Variants in DENND3 observed in about 807,000 individuals in gnomAD.
The protein encoded by DENND3 is DENN domain containing 3.
In DENND3, 88 loss-of-function variants were observed where a neutral mutation model predicts 135.1. The ratio of observed to expected loss-of-function variants is 0.65; its 90% CI spans 0.55 to 0.78. The LOEUF (loss-of-function observed/expected upper bound fraction) is 0.78. Among genes scored for constraint, DENND3 ranks in the 30% least tolerant of loss-of-function variants. DENND3 has a pLI of 0.00. For synonymous variants in DENND3, 693 were observed against 712.3 expected, an observed-to-expected ratio of 0.97 and a Z score of 0.43; for missense variants, 1,392 against 1,688.4, an observed-to-expected ratio of 0.82 and a Z score of 3.08.
At chr8:141,184,949 C>A in intron 17 of DENND3, 190 bp from the exon 18 acceptor site, 1 of 616,480 alleles carries the variant, frequency 1.6e-6, no homozygotes, top group Non-Finnish European at 2.7e-6. Context: ...CACCAGCCAG[C>A]TGCCCCCCTT....
At chr8:141,142,111 CT>C (rs1455737631) in intron 4 of DENND3, 2 of 307,580 alleles carry the variant, frequency 6.5e-6, no homozygotes, top group Non-Finnish European at 1.3e-5. Flanking sequence ...ACGTAAAGAA[CT>C]TTTGAAAAAT....
In DENND3 at chr8:141,175,120, C is replaced by T; in HGVS notation, c.2276-80C>T. 6.6e-7 allele frequency: 1 copy of T among 1,505,894 alleles called. No individual in the cohort carries two copies. Among genetic ancestry groups the T allele is most frequent in the South Asian group, 1.3e-5 (1 of 75,120 alleles). 93.3% of individuals were successfully genotyped at this position (1,505,894 alleles called of 1,614,324 possible). A position where few individuals can be genotyped will look rare whatever the true frequency, so the allele number is the denominator to read the frequency against. ...GCCGGGTTCCGGTAGTGTGCGGTTT[C>T]TTCAGGTCATGGAGAAGCCCTTGGG... is the stretch of plus-strand genomic sequence containing the variant. On this transcript the variant is annotated intron_variant, in intron 13 of 22. Transcript: ENST00000519811. The surrounding 1 kb of genome is among the most constrained non-coding windows in gnomAD (Gnocchi z 5.4).
Position 141,166,643 on chromosome 8 carries a change from A to T in DENND3, c.1753+254A>T, listed in dbSNP as rs1569556106. 6.6e-6 allele frequency among the ~76,000 whole-genome samples: 1 copy of T among 152,314 alleles called. No individual in the cohort carries two copies. Among genetic ancestry groups the T allele is most frequent in the Middle Eastern group, 3.4e-3 (1 of 294 alleles). ...CTCGGCATGGTTCGGCATCCTTCAC[A>T]GGTGTAGGCTGTGCCTGTCTCTGTA... On this transcript the variant is annotated intron_variant, in intron 12 of 22. Coordinates refer to ENST00000519811, the MANE Select transcript of DENND3 (RefSeq NM_001352890.3). This position sits in a 1 kb window ranked among gnomAD's most constrained non-coding sequence, Gnocchi z 4.3.
At chr8:141,157,063 TGAACCACTGTGCCCG>T (rs1369693479) in intron 8 of DENND3, among the ~76,000 whole-genome samples, 1 of 152,182 alleles carries the variant, frequency 6.6e-6, no homozygotes, top group Non-Finnish European at 1.5e-5. Context: ...ATTACAGGCA[TGAACCACTGTGCCCG>T]GCCTGGCACT....
chr8:141,149,849 C>T (rs1818576551), intron 5 of DENND3, among the ~76,000 whole-genome samples: 1 of 152,182 alleles, frequency 6.6e-6, no homozygotes, highest in African/African-American at 2.4e-5. Flanking sequence ...ACGCTGGTGT[C>T]CCCACCACCA....
chr8:141,157,245 G>T, intron 8 of DENND3: 1 of 952,804 alleles, frequency 1.0e-6, no homozygotes, highest in Non-Finnish European at 1.2e-6. Context: ...GCAAAGGCTT[G>T]GCAGGGACTT....
chr8:141,135,741 TG>T (rs1416795920), intron 1 of DENND3, among the ~76,000 whole-genome samples: 1 of 152,226 alleles, frequency 6.6e-6, no homozygotes, highest in African/African-American at 2.4e-5. Flanking sequence ...CCATGTGCTT[TG>T]TATTATTTTA....
intron 17 of DENND3, among the ~76,000 whole-genome samples, chr8:141,183,543 C>G (rs1823459523): frequency 6.6e-6 from 1 of 151,578 alleles, no homozygotes; most frequent in South Asian, 2.1e-4. Flanking sequence ...GCGTGAGCCA[C>G]CACAACTGGC....
chr8:141,168,427 A>G lies in DENND3; in HGVS notation c.2177A>G (p.Lys726Arg). 6.2e-7 allele frequency: 1 copy of G among 1,613,886 alleles called. No homozygotes were observed. Among genetic ancestry groups the G allele is most frequent in the Non-Finnish European group, 8.5e-7 (1 of 1,180,032 alleles). ...GTGAAGAAGTTCAAGCTGCCCAAGAAGCACATGCAGCTGGGCGACTTCATG... is the reference window on the plus strand; with the variant it reads ...GTGAAGAAGTTCAAGCTGCCCAAGAGGCACATGCAGCTGGGCGACTTCATG... ...DHVKKFKLPK[K>R]HMQLGDFMKR... Residue 726 changes from lysine to arginine, a missense_variant, in exon 13 of 23, where the codon AAG (lysine) becomes AGG (arginine). Lys to Arg is a conservative substitution (Grantham distance 26, BLOSUM62 2). Transcript: ENST00000519811. The surrounding 1 kb of genome is among the most constrained non-coding windows in gnomAD (Gnocchi z 6.2).
In DENND3 at chr8:141,141,349, G is replaced by A; in HGVS notation, c.623+25G>A. ...GGTGAGCTGGGGCACCGGGGGCCAG[G>A]GGTGGTAGGGGGCAGCTCTTTGTGC... is the stretch of plus-strand genomic sequence containing the variant. On this transcript the variant is annotated intron_variant, in intron 4 of 22. Transcript: ENST00000519811. The surrounding 1 kb of genome is among the most constrained non-coding windows in gnomAD (Gnocchi z 5.3). The A allele has an allele frequency of 6.2e-7, 1 of 1,611,676 alleles. No individual in the cohort carries two copies. Among genetic ancestry groups the A allele is most frequent in the Non-Finnish European group, 8.5e-7 (1 of 1,179,712 alleles).
In DENND3 at chr8:141,194,578, C is replaced by T. The variant is rs61750466; in HGVS notation, c.*345C>T. On this transcript the variant is annotated 3_prime_UTR_variant, in exon 23 of 23. Coordinates refer to ENST00000519811, the MANE Select transcript of DENND3 (RefSeq NM_001352890.3). ...CTGGCACTGGAGCCAGCAGCTTGGC[C>T]GAGTCACAGGTGACCCGTGGCCCTC... The T allele has an allele frequency of 0.021, 6,523 of 309,796 alleles. 422 individuals carry two copies. Among genetic ancestry groups the T allele is most frequent in the African/African-American group, 0.13 (6,034 of 47,380 alleles). The allele number at this position is 309,796 out of a possible 1,614,324, so 19.2% of individuals were successfully genotyped here.
intron 22 of DENND3, chr8:141,193,825 C>T (rs1380826498): frequency 3.3e-6 from 2 of 606,998 alleles, no homozygotes; most frequent in Non-Finnish European, 5.8e-6. Context: ...AGTCTTCTTC[C>T]CCAGAGGCCC....
At chr8:141,193,143 G>A (rs759950412) in intron 22 of DENND3, 18 of 257,350 alleles carry the variant, frequency 7.0e-5, no homozygotes, top group East Asian at 4.6e-4. Context: ...GATGCTGGTC[G>A]TACTGGATTA....
At chr8:141,147,239 GA>G (rs760582427) in intron 5 of DENND3, among the ~76,000 whole-genome samples, 18 of 152,188 alleles carry the variant, frequency 1.2e-4, no homozygotes, top group Non-Finnish European at 2.4e-4. Flanking sequence ...GTGACTTGGG[GA>G]CCACTGGCCT....
At chr8:141,187,943 T>C (rs920839986) in intron 18 of DENND3, among the ~76,000 whole-genome samples, 21 of 152,128 alleles carry the variant, frequency 1.4e-4, no homozygotes, top group Admixed American at 7.9e-4. Flanking sequence ...TCCCAGCACT[T>C]TGGGGGGCCG....
At chr8:141,163,289 A>C in intron 9 of DENND3, 44 bp from the exon 10 acceptor site, 1 of 1,210,020 alleles carries the variant, frequency 8.3e-7, no homozygotes. Flanking sequence ...TTTTTCATGT[A>C]TTTAAGAAAG....
At chr8:141,157,030 C>T (rs1440908485) in intron 8 of DENND3, among the ~76,000 whole-genome samples, 3 of 152,110 alleles carry the variant, frequency 2.0e-5, no homozygotes, top group Non-Finnish European at 4.4e-5. Context: ...AATCTGCCTA[C>T]CTCAGCCTCC....
intron 18 of DENND3, among the ~76,000 whole-genome samples, chr8:141,185,625 A>G (rs1464872283): frequency 6.6e-6 from 1 of 151,992 alleles, no homozygotes; most frequent in African/African-American, 2.4e-5. Flanking sequence ...CAGGAGTTTG[A>G]GACCAGCCTG....
chr8:141,156,491 T>C (rs1023206074), intron 8 of DENND3, among the ~76,000 whole-genome samples: 2 of 152,228 alleles, frequency 1.3e-5, no homozygotes, highest in Non-Finnish European at 2.9e-5. Context: ...AGAGGAAACC[T>C]ACTCAACCTC....
Sources: allele counts gnomAD v4.1 joint callset (sites outside exome capture counted in the v4.1 genomes callset), GRCh38; gene constraint gnomAD v4.1.1; non-coding constraint Gnocchi (gnomAD v3.1); transcripts MANE v1.5; gene names NCBI Gene and HGNC (gene_info 2026-07-23, HGNC 2026-07-21).